The following UFL1 variants were observed in gnomAD, a reference collection of about 807,000 sequenced individuals.
UFL1 encodes the protein UFM1 specific ligase 1.
UFL1 carries 78 observed loss-of-function variants against 99.3 expected under a neutral mutation model. The observed-to-expected ratio is 0.79, with a 90% CI of 0.65 to 0.95. UFL1 has a LOEUF of 0.95. Among genes scored for constraint, UFL1 ranks in the 40% least tolerant of loss-of-function variants. The pLI is 0.00. For synonymous variants in UFL1, 335 were observed against 322.2 expected, an observed-to-expected ratio of 1.04 and a Z score of -0.42; for missense variants, 936 against 937.0, an observed-to-expected ratio of 1.00 and a Z score of 0.01.
intron 15 of UFL1, 144 bp downstream of exon 15, chr6:96,549,943 C>T: frequency 9.1e-7 from 1 of 1,096,488 alleles, no homozygotes; most frequent in South Asian, 1.6e-5. Flanking sequence ...TTTTATTCAA[C>T]TTTAGTACTA....
chr6:96,533,631 C>G (rs1236845240), intron 6 of UFL1, among the ~76,000 whole-genome samples: 1 of 151,824 alleles, frequency 6.6e-6, no homozygotes, highest in Non-Finnish European at 1.5e-5. Flanking sequence ...ACATTATAAA[C>G]TGGATTGTAG....
intron 5 of UFL1, among the ~76,000 whole-genome samples, chr6:96,527,236 G>C (rs1266065427): frequency 6.6e-6 from 1 of 151,976 alleles, no homozygotes; most frequent in African/African-American, 2.4e-5. Context: ...AATACTGTCT[G>C]CACCACTTAT....
At position 96,537,377 on chromosome 6, in the gene UFL1, T is replaced by G. The variant is rs778387672; in HGVS notation, c.806T>G (p.Phe269Cys). 1 of 1,555,044 alleles carries G rather than the reference T, an allele frequency of 6.4e-7. No individual in the cohort carries two copies. Among genetic ancestry groups the G allele is most frequent in the South Asian group, 1.2e-5 (1 of 82,224 alleles). ...CAACTTTGTGATATATTTGTAGAAT[T>G]TGATGCTTTGTCCAGACTTGGAATC... ...SFFRQNGYLE[F>C]DALSRLGIPD... Residue 269 changes from phenylalanine to cysteine, a missense_variant, in exon 9 of 19, where the codon TTT (phenylalanine) becomes TGT (cysteine). Coordinates refer to ENST00000369278, the MANE Select transcript of UFL1 (RefSeq NM_015323.5).
intron 9 of UFL1, among the ~76,000 whole-genome samples, chr6:96,537,809 A>G (rs950094623): frequency 1.3e-5 from 2 of 151,906 alleles, no homozygotes; most frequent in Non-Finnish European, 2.9e-5. Flanking sequence ...CTGATAAAGA[A>G]TTGATGAGAC....
chr6:96,528,737 T>A (rs1769738379), intron 6 of UFL1, 105 bp downstream of exon 6: 1 of 1,359,824 alleles, frequency 7.4e-7, no homozygotes, highest in African/African-American at 1.5e-5. Flanking sequence ...AAGTCTCATT[T>A]AGGACCCCAG....
At position 96,551,081 on chromosome 6, in the gene UFL1, T is replaced by A. The variant is rs1770072551; in HGVS notation, c.1819-352T>A. Among the ~76,000 whole-genome samples the A allele has an allele frequency of 2.0e-5, 3 of 151,944 alleles. 1 individual carries two copies. The highest frequency in any genetic ancestry group is 2.0e-4 in the Admixed American group (3 of 15,216). On this transcript the variant is annotated intron_variant, in intron 15 of 18. Coordinates refer to ENST00000369278, the MANE Select transcript of UFL1 (RefSeq NM_015323.5). ...CCCATCTTGTAGGCATCCTTGATCT[T>A]TATGAGTGGGGCCCTTCACAGCTGG...
At chr6:96,538,869 T>G in intron 10 of UFL1, 59 bp downstream of exon 10, 2 of 1,413,142 alleles carry the variant, frequency 1.4e-6, no homozygotes, top group African/African-American at 2.9e-5. Flanking sequence ...TAGAATCATC[T>G]GATGTCTTTT....
At chr6:96,553,247 T>C in intron 18 of UFL1, 38 bp from the exon 19 acceptor site, 2 of 1,574,898 alleles carry the variant, frequency 1.3e-6, no homozygotes, top group South Asian at 2.3e-5. Context: ...CACAAAAAGA[T>C]AAATTGTGTT....
intron 17 of UFL1, among the ~76,000 whole-genome samples, 179 bp downstream of exon 17, chr6:96,552,102 C>T (rs1770089687): frequency 6.6e-6 from 1 of 152,022 alleles, no homozygotes; most frequent in South Asian, 2.1e-4. Context: ...AGATATTTCT[C>T]TCTGACCCTC....
At chr6:96,550,657 G>T (rs1046948734) in intron 15 of UFL1, among the ~76,000 whole-genome samples, 7 of 151,992 alleles carry the variant, frequency 4.6e-5, no homozygotes, top group African/African-American at 1.2e-4. Context: ...CCCCAGCAAG[G>T]TGCTGGCCCC....
intron 17 of UFL1, among the ~76,000 whole-genome samples, chr6:96,552,272 C>T (rs1286051437): frequency 6.6e-6 from 1 of 152,042 alleles, no homozygotes; most frequent in African/African-American, 2.4e-5. Flanking sequence ...TATTCCCACT[C>T]TATAGCTTTT....
chr6:96,522,818 TTTC>T (rs1250336038), intron 1 of UFL1: 1 of 176,970 alleles, frequency 5.7e-6, no homozygotes, highest in African/African-American at 2.3e-5. Context: ...TGTTTTGTTT[TTTC>T]TTTTTTCCTA....
intron 11 of UFL1, among the ~76,000 whole-genome samples, chr6:96,542,258 A>C (rs1228176296): frequency 6.6e-6 from 1 of 151,268 alleles, no homozygotes; most frequent in Non-Finnish European, 1.5e-5. Context: ...ATAGGTAATA[A>C]TACTTTTATA....
At chr6:96,528,413 C>T (rs957488470) in intron 5 of UFL1, 89 bp from the exon 6 acceptor site, 1 of 1,434,460 alleles carries the variant, frequency 7.0e-7, no homozygotes, top group African/African-American at 1.4e-5. Context: ...GATACCTCAG[C>T]ATGCAGCATG....
At chr6:96,548,803 A>G (rs1392692760) in intron 13 of UFL1, among the ~76,000 whole-genome samples, 2 of 151,808 alleles carry the variant, frequency 1.3e-5, no homozygotes, top group East Asian at 3.9e-4. Context: ...ATTAGTAACT[A>G]ACTAACCTGG....
At chr6:96,543,965 C>A (rs1769965745) in intron 12 of UFL1, among the ~76,000 whole-genome samples, 1 of 151,008 alleles carries the variant, frequency 6.6e-6, no homozygotes, top group Admixed American at 6.6e-5. Context: ...TTATAACCAA[C>A]AGTAAAAGCT....
At chr6:96,545,375 G>C (rs1769985364) in intron 12 of UFL1, among the ~76,000 whole-genome samples, 1 of 150,900 alleles carries the variant, frequency 6.6e-6, no homozygotes, top group Non-Finnish European at 1.5e-5. Context: ...TGCACAGTTA[G>C]CTATTATTTT....
intron 3 of UFL1, 69 bp from the exon 4 acceptor site, chr6:96,525,227 TA>T: frequency 8.1e-7 from 1 of 1,228,358 alleles, no homozygotes; most frequent in Non-Finnish European, 1.2e-6. Flanking sequence ...AATATAGTTC[TA>T]AGTATATAAT....
intron 6 of UFL1, among the ~76,000 whole-genome samples, chr6:96,531,196 G>A (rs560579687): frequency 7.9e-5 from 12 of 152,324 alleles, no homozygotes; most frequent in African/African-American, 2.9e-4. Context: ...CATGAAACCA[G>A]TTCCTGGTGC....
Sources: gnomAD v4.1 joint callset for allele counts (sites outside exome capture counted in the v4.1 genomes callset) on GRCh38, gnomAD v4.1.1 for gene constraint, MANE v1.5 for transcripts, NCBI Gene and HGNC (gene_info 2026-07-23, HGNC 2026-07-21) for gene names.